The following DERL1 variants were observed in gnomAD, a reference collection of about 807,000 sequenced individuals.
DERL1 encodes the protein derlin 1, also known as derlin-1.
In DERL1, 24 loss-of-function variants were observed where a neutral mutation model predicts 41.6. That is an observed-to-expected ratio of 0.58 (90% CI 0.42 to 0.81). The LOEUF (loss-of-function observed/expected upper bound fraction) is 0.81. DERL1 is among the 30% of genes least tolerant of loss of function. The probability of loss-of-function intolerance (pLI) is 0.00; values close to 1 mark genes in which losing one functional copy is unlikely to be tolerated. For synonymous variants in DERL1, 124 were observed against 112.5 expected (o/e 1.10, Z -0.65); for missense variants, 260 against 314.3 (o/e 0.83, Z 1.31).
chr8:123,016,841 G>GT (rs544639953), intron 7 of DERL1: 69 of 149,624 alleles, frequency 4.6e-4, no homozygotes, highest in African/African-American at 1.6e-3. Flanking sequence ...TCGGGTTTTT[G>GT]TTTTTTTGTT....
chr8:123,016,082 G>C (rs1387542014), intron 7 of DERL1: 1 of 152,268 alleles, frequency 6.6e-6, no homozygotes, highest in Non-Finnish European at 1.5e-5. Flanking sequence ...GGGGAAGAAG[G>C]CTTTCTATGT....
intron 1 of DERL1, among the ~76,000 whole-genome samples, chr8:123,039,370 G>A (rs1812997136): frequency 1.3e-5 from 2 of 152,300 alleles, no homozygotes; most frequent in South Asian, 4.1e-4. Flanking sequence ...GACCTACAAG[G>A]CTCAACTATG....
At chr8:123,029,954 G>T (rs1192642131) in intron 2 of DERL1, among the ~76,000 whole-genome samples, 1 of 152,096 alleles carries the variant, frequency 6.6e-6, no homozygotes, top group Non-Finnish European at 1.5e-5. Context: ...CAGCTACTCA[G>T]GAGGCTGAGG....
At chr8:123,022,402 T>A (rs547283085) in intron 5 of DERL1, among the ~76,000 whole-genome samples, 105 of 119,638 alleles carry the variant, frequency 8.8e-4, no homozygotes, top group African/African-American at 2.4e-3. Flanking sequence ...GGGTTTCACA[T>A]GAGTTATCTC....
At position 123,019,311 on chromosome 8, in the gene DERL1, AAG is replaced by A. The variant is rs764884711; in HGVS notation, c.507-8_507-7del. 9 of 1,590,176 alleles carry A rather than the reference AAG, an allele frequency of 5.7e-6. No homozygotes were observed. The highest frequency in any genetic ancestry group is 2.2e-5 in the East Asian group (1 of 44,762). ...CAATAAGCTCATTGATTACCCTGCA[AAG>A]AGAGCCAAATGAGTTTAAAGACATT... On this transcript the variant is annotated splice_region_variant and splice_polypyrimidine_tract_variant and intron_variant, in intron 6 of 7. Coordinates refer to ENST00000259512, the MANE Select transcript of DERL1 (RefSeq NM_024295.6).
At chr8:123,030,480 A>C (rs1453947239) in intron 2 of DERL1, 125 bp downstream of exon 2, 3 of 650,808 alleles carry the variant, frequency 4.6e-6, no homozygotes, top group Non-Finnish European at 7.8e-6. Flanking sequence ...ACAGTCACTA[A>C]GCATTTACTA....
chr8:123,015,322 C>T lies in DERL1; in HGVS notation c.*125G>A, dbSNP rs7812. ...CTTCGGGATTTAAGAAACTTTGTCT[C>T]GTACTGAAAGACTACATTCAGTGTG... is the stretch of plus-strand genomic sequence containing the variant. On this transcript the variant is annotated 3_prime_UTR_variant, in exon 8 of 8. Transcript: ENST00000259512. 0.12 allele frequency: 151,968 copies of T among 1,245,322 alleles called. 10,980 individuals are homozygous for T. Among genetic ancestry groups the T allele is most frequent in the African/African-American group, 0.3 (19,761 of 66,108 alleles). The allele number at this position is 1,245,322 out of a possible 1,614,324, so 77.1% of individuals were successfully genotyped here.
At chr8:123,029,231 G>A (rs2130481132) in intron 2 of DERL1, among the ~76,000 whole-genome samples, 1 of 152,284 alleles carries the variant, frequency 6.6e-6, no homozygotes, top group Admixed American at 6.5e-5. Flanking sequence ...ATGGTGGTGA[G>A]AGGCCTAGTT....
chr8:123,013,498 G>A lies in DERL1; in HGVS notation c.*1949C>T, dbSNP rs1214894889. Reference sequence around the variant, plus strand: ...GCCTTGTCAAGTCAAAACTCAAATAGCTTGTTTTGGTAAAATTATTCCAGA... The same window carrying A: ...GCCTTGTCAAGTCAAAACTCAAATAACTTGTTTTGGTAAAATTATTCCAGA... On this transcript the variant is annotated 3_prime_UTR_variant, in exon 8 of 8. Coordinates refer to ENST00000259512, the MANE Select transcript of DERL1 (RefSeq NM_024295.6). 1 of 151,926 alleles carries A rather than the reference G, an allele frequency of 6.6e-6. No individual in the cohort carries two copies. The highest frequency in any genetic ancestry group is 2.4e-5 in the African/African-American group (1 of 41,366). The allele number at this position is 151,926 out of a possible 1,614,324, so 9.4% of individuals were successfully genotyped here. A position where few individuals can be genotyped will look rare whatever the true frequency, so the allele number is the denominator to read the frequency against.
At chr8:123,027,484 C>T (rs1471872374) in intron 2 of DERL1, among the ~76,000 whole-genome samples, 1 of 151,958 alleles carries the variant, frequency 6.6e-6, no homozygotes, top group Non-Finnish European at 1.5e-5. Flanking sequence ...ATTGTGTATA[C>T]TTTAAATGGG....
chr8:123,016,183 C>T (rs1260107713), intron 7 of DERL1: 1 of 152,158 alleles, frequency 6.6e-6, no homozygotes, highest in Non-Finnish European at 1.5e-5. Context: ...GCTGGGGCCC[C>T]AGACGGTTAG....
chr8:123,035,657 C>G (rs1223854703), intron 1 of DERL1, among the ~76,000 whole-genome samples: 1 of 152,192 alleles, frequency 6.6e-6, no homozygotes, highest in Non-Finnish European at 1.5e-5. Flanking sequence ...AGGAGGAAAG[C>G]TGGGCCCTAA....
intron 2 of DERL1, among the ~76,000 whole-genome samples, chr8:123,029,967 T>C (rs1473357952): frequency 6.6e-6 from 1 of 151,982 alleles, no homozygotes; most frequent in Non-Finnish European, 1.5e-5. Context: ...GGCTGAGGCA[T>C]GAGAATTGCT....
Position 123,042,161 on chromosome 8 carries a change from G to A in DERL1, c.-39C>T, listed in dbSNP as rs780491190. 3.2e-6 allele frequency: 5 copies of A among 1,554,302 alleles called. No homozygotes were observed. Among genetic ancestry groups the A allele is most frequent in the Non-Finnish European group, 3.5e-6 (4 of 1,144,928 alleles). The stretch of plus-strand genomic sequence containing the variant: ...GTAGCCAAGATGCACAAGACCGCCC[G>A]ACTCCCCGTGCCGACCCCCTCACGA... On this transcript the variant is annotated 5_prime_UTR_variant, in exon 1 of 8. Transcript: ENST00000259512.
intron 3 of DERL1, among the ~76,000 whole-genome samples, chr8:123,024,616 G>A (rs1812640342): frequency 6.6e-6 from 1 of 152,194 alleles, no homozygotes; most frequent in South Asian, 2.1e-4. Context: ...AAGGATGCTG[G>A]TTGTAAATTA....
At chr8:123,033,788 C>A (rs572472927) in intron 1 of DERL1, among the ~76,000 whole-genome samples, 83 of 152,276 alleles carry the variant, frequency 5.5e-4, no homozygotes, top group African/African-American at 1.9e-3. Context: ...AAGCATACAA[C>A]CCTAGCTGTA....
chr8:123,030,770 T>C, intron 1 of DERL1, 54 bp from the exon 2 acceptor site: 1 of 1,287,356 alleles, frequency 7.8e-7, no homozygotes, highest in Non-Finnish European at 1.1e-6. Context: ...TGGTTATTTC[T>C]TTCCCTTCTA....
chr8:123,025,167 C>G, intron 2 of DERL1, 117 bp from the exon 3 acceptor site: 1 of 1,031,992 alleles, frequency 9.7e-7, no homozygotes, highest in Non-Finnish European at 1.4e-6. Flanking sequence ...ATTTTAAAAA[C>G]CACTCCTCTC....
intron 1 of DERL1, among the ~76,000 whole-genome samples, chr8:123,040,248 A>G (rs1813018320): frequency 6.6e-6 from 1 of 152,196 alleles, no homozygotes; most frequent in African/African-American, 2.4e-5. Flanking sequence ...AGAAAAATGA[A>G]GGATAAGGGA....
Sources: gnomAD v4.1 joint callset for allele counts (sites outside exome capture counted in the v4.1 genomes callset) on GRCh38, gnomAD v4.1.1 for gene constraint, MANE v1.5 for transcripts, NCBI Gene and HGNC (gene_info 2026-07-23, HGNC 2026-07-21) for gene names.